NR1H2: variants seen among roughly 807,000 people sequenced by gnomAD.
NR1H2 encodes oxysterols receptor LXR-beta.
A neutral mutation model predicts 51.2 loss-of-function variants in NR1H2; 33 were observed. That is an observed-to-expected ratio of 0.64 (90% CI 0.49 to 0.86). The LOEUF (loss-of-function observed/expected upper bound fraction) is 0.86. Among genes scored for constraint, NR1H2 ranks in the 40% least tolerant of loss-of-function variants. The pLI is 0.00. For missense variants in NR1H2, 592 were observed against 639.9 expected, an observed-to-expected ratio of 0.93 and a Z score of 0.81; for synonymous variants, 310 against 264.3, an observed-to-expected ratio of 1.17 and a Z score of -1.68.
intron 4 of NR1H2, 95 bp downstream of exon 4, chr19:50,377,965 C>T (rs1251273480): frequency 1.4e-6 from 2 of 1,470,556 alleles, no homozygotes; most frequent in Non-Finnish European, 9.0e-7. Context: ...CTGATCTTTG[C>T]TTTTTGTTCT....
At position 50,377,755 on chromosome 19, in the gene NR1H2, C is replaced by A; in HGVS notation, c.66C>A (p.Gly22=). The change falls in exon 4 of 10, where the codon GGC becomes GGA. Residue 22 remains glycine, a synonymous_variant. Coordinates refer to ENST00000253727, the MANE Select transcript of NR1H2 (RefSeq NM_007121.7). Reference sequence around the variant, plus strand: ...CAGGAAATGGCCCCCCTCAGCCTGGCGCCCCTTCTTCTTCACCCACTGTAA... The same window carrying A: ...CAGGAAATGGCCCCCCTCAGCCTGGAGCCCCTTCTTCTTCACCCACTGTAA... The part of the protein sequence containing the change: ...PLPGNGPPQP[G]APSSSPTVKE... The A allele has an allele frequency of 6.2e-7, 1 of 1,607,766 alleles. No individual in the cohort carries two copies.
In NR1H2 at chr19:50,382,442, G is replaced by A. The variant is rs1331211789; in HGVS notation, c.1237-14G>A. On this transcript the variant is annotated splice_polypyrimidine_tract_variant and intron_variant, in intron 9 of 9. Transcript: ENST00000253727. ...GCAGGGGCTCAGCCAGCGCCCACCT[G>A]CCTCCTCCCTCAGGACCAGCTGCGC... The A allele has an allele frequency of 2.5e-6, 4 of 1,579,716 alleles. No homozygotes were observed. The African/African-American group carries it at 4.0e-5, about 16-fold the overall frequency.
rs747686143 is a variant in NR1H2 at position 50,378,370 on chromosome 19, G to A, written c.403G>A (p.Ala135Thr). The change falls in exon 5 of 10, where the codon GCT (alanine) becomes ACT (threonine). Residue 135 changes from alanine to threonine, a missense_variant. Transcript: ENST00000253727. Reference sequence around the variant, plus strand: ...GGGTGGCGGAACCTGCCAGATGGACGCTTTCATGCGGCGCAAGTGCCAGCA... The same window carrying A: ...GGGTGGCGGAACCTGCCAGATGGACACTTTCATGCGGCGCAAGTGCCAGCA... Reference protein sequence around the residue: ...CRGGGTCQMDAFMRRKCQQCR... With the variant: ...CRGGGTCQMDTFMRRKCQQCR... 4.2e-5 allele frequency: 68 copies of A among 1,610,360 alleles called. No individual in the cohort carries two copies. The highest frequency in any genetic ancestry group is 6.7e-5 in the African/African-American group (5 of 74,890).
At chr19:50,380,706 T>G (rs1027878529) in intron 8 of NR1H2, among the ~76,000 whole-genome samples, 2 of 152,078 alleles carry the variant, frequency 1.3e-5, no homozygotes, top group African/African-American at 4.8e-5. Context: ...GCAGAGGCCC[T>G]GAGGTTGGGG....
intron 7 of NR1H2, 138 bp downstream of exon 7, chr19:50,379,319 G>C: frequency 9.9e-7 from 1 of 1,008,366 alleles, no homozygotes; most frequent in Non-Finnish European, 1.4e-6. Flanking sequence ...GCCAAGGAGA[G>C]AAAGGAAAAA....
chr19:50,381,780 C>T lies in NR1H2; in HGVS notation c.1028-186C>T, dbSNP rs376926420. Among the ~76,000 whole-genome samples, 20 of 152,332 alleles carry T rather than the reference C, an allele frequency of 1.3e-4. No homozygotes were observed. The East Asian group carries it at 3.1e-3, about 23-fold the overall frequency. The stretch of plus-strand genomic sequence containing the variant: ...CACCCTCATTCATTCCTTCACTGGG[C>T]AGCATGTGTGGCACACCTACTACAT... On this transcript the variant is annotated intron_variant, in intron 8 of 9. Transcript: ENST00000253727.
chr19:50,381,517 T>C (rs2123656273), intron 8 of NR1H2, among the ~76,000 whole-genome samples: 1 of 152,302 alleles, frequency 6.6e-6, no homozygotes, highest in Middle Eastern at 3.4e-3. Context: ...GCCTGGCACG[T>C]GGCAGGTACT....
chr19:50,380,585 CCT>C (rs1163477902), intron 8 of NR1H2, among the ~76,000 whole-genome samples: 2 of 152,142 alleles, frequency 1.3e-5, no homozygotes, highest in African/African-American at 4.8e-5. Flanking sequence ...CTCTCCCCTT[CCT>C]CTTACTCCGG....
chr19:50,378,004 T>A, intron 4 of NR1H2, 134 bp downstream of exon 4: 1 of 1,424,114 alleles, frequency 7.0e-7, no homozygotes, highest in South Asian at 1.4e-5. Flanking sequence ...TACATCTTTC[T>A]AAATTGCAAT....
chr19:50,381,478 C>T (rs760071346), intron 8 of NR1H2, among the ~76,000 whole-genome samples: 19 of 152,210 alleles, frequency 1.2e-4, no homozygotes, highest in Non-Finnish European at 1.8e-4. Flanking sequence ...TATGACCGGT[C>T]CCCTAGGCTC....
At chr19:50,378,885 C>T (rs2037717716) in intron 6 of NR1H2, 89 bp downstream of exon 6, 5 of 1,561,538 alleles carry the variant, frequency 3.2e-6, no homozygotes, top group Non-Finnish European at 3.5e-6. Context: ...GAATGAGGCT[C>T]CAGAGGGCAG....
At chr19:50,382,267 C>T in intron 9 of NR1H2, 93 bp downstream of exon 9, 2 of 1,359,236 alleles carry the variant, frequency 1.5e-6, no homozygotes, top group Non-Finnish European at 2.0e-6. Flanking sequence ...CACTGCCCTC[C>T]CCTCCGCAGA....
In NR1H2 at chr19:50,382,757, G is replaced by A. The variant is rs73932493; in HGVS notation, c.*155G>A. The A allele has an allele frequency of 5.0e-3, 3,760 of 749,382 alleles. 101 individuals are homozygous for A. The African/African-American group carries it at 0.058, about 12-fold the overall frequency. The allele number at this position is 749,382 out of a possible 1,614,324, so 46.4% of individuals were successfully genotyped here. On this transcript the variant is annotated 3_prime_UTR_variant, in exon 10 of 10. Coordinates refer to ENST00000253727, the MANE Select transcript of NR1H2 (RefSeq NM_007121.7). ...GGGATAAGCCCCAGTCCAGGTCCAGGAGGCTCCCTCCCTGCCCAGCGAGTC... is the reference window on the plus strand; with the variant it reads ...GGGATAAGCCCCAGTCCAGGTCCAGAAGGCTCCCTCCCTGCCCAGCGAGTC...
chr19:50,381,775 C>G (rs184401533), intron 8 of NR1H2, among the ~76,000 whole-genome samples, 191 bp from the exon 9 acceptor site: 1 of 152,218 alleles, frequency 6.6e-6, no homozygotes, highest in African/African-American at 2.4e-5. Context: ...CATTCCTTCA[C>G]TGGGCAGCAT....
At chr19:50,377,930 G>A (rs957257596) in intron 4 of NR1H2, 60 bp downstream of exon 4, 1 of 1,499,434 alleles carries the variant, frequency 6.7e-7, no homozygotes, top group Non-Finnish European at 8.9e-7. Context: ...AAGGGAGAAA[G>A]AAATAGAAAT....
At chr19:50,378,479 C>G (rs751363555) in intron 5 of NR1H2, 40 bp downstream of exon 5, 2 of 1,579,014 alleles carry the variant, frequency 1.3e-6, no homozygotes, top group African/African-American at 1.3e-5. Flanking sequence ...CCTGGCCCCC[C>G]GCCTAGCCCT....
At chr19:50,380,016 G>GT (rs2037740429) in intron 8 of NR1H2, 137 bp downstream of exon 8, 1 of 676,770 alleles carries the variant, frequency 1.5e-6, no homozygotes, top group Non-Finnish European at 2.7e-6. Context: ...TGAGAGTGAG[G>GT]TAAGAGTGCA....
In NR1H2 at chr19:50,382,185, G is replaced by T; in HGVS notation, c.1236+11G>T. ...ATCAAGAGGCCGCAGGTAGGGCCCC[G>T]CAGAGCCTCTGCGCAGAGCCAACTA... On this transcript the variant is annotated intron_variant, in intron 9 of 9. Coordinates refer to ENST00000253727, the MANE Select transcript of NR1H2 (RefSeq NM_007121.7). 6.6e-7 allele frequency: 1 copy of T among 1,520,280 alleles called. No homozygotes were observed. The highest frequency in any genetic ancestry group is 8.8e-7 in the Non-Finnish European group (1 of 1,137,814). 94.2% of individuals were successfully genotyped at this position (1,520,280 alleles called of 1,614,324 possible). A position where few individuals can be genotyped will look rare whatever the true frequency, so the allele number is the denominator to read the frequency against.
rs545327855 is a variant in NR1H2 at position 50,382,273 on chromosome 19, G to A, written c.1236+99G>A. 1.7e-5 allele frequency: 23 copies of A among 1,350,812 alleles called. No homozygotes were observed. In the East Asian group the frequency reaches 1.8e-4, roughly 10 times the overall value. 83.7% of individuals were successfully genotyped at this position (1,350,812 alleles called of 1,614,324 possible). On this transcript the variant is annotated intron_variant, in intron 9 of 9. Transcript: ENST00000253727. ...TGCCAGCCACACTGCCCTCCCCTCC[G>A]CAGAGTCTTTCCTCAGGCCCCACCC... is the stretch of plus-strand genomic sequence containing the variant.
Sources: allele counts gnomAD v4.1 joint callset (sites outside exome capture counted in the v4.1 genomes callset), GRCh38; gene constraint gnomAD v4.1.1; transcripts MANE v1.5; gene names NCBI Gene and HGNC (gene_info 2026-07-23, HGNC 2026-07-21).